The following ADD2 variants were observed in gnomAD, a reference collection of about 807,000 sequenced individuals.
ADD2 encodes the protein adducin 2.
A neutral mutation model predicts 83.0 loss-of-function variants in ADD2; 23 were observed. The observed-to-expected ratio is 0.28, with a 90% CI of 0.20 to 0.39. The LOEUF (loss-of-function observed/expected upper bound fraction) is 0.39. Among genes scored for constraint, ADD2 ranks in the 10% least tolerant of loss-of-function variants. The pLI, the probability that ADD2 is intolerant of heterozygous loss-of-function variation, is 1.00. For missense variants in ADD2, 758 were observed against 944.9 expected (o/e 0.80, Z 2.59); for synonymous variants, 375 against 375.4 (o/e 1.00, Z 0.01).
intron 1 of ADD2, among the ~76,000 whole-genome samples, chr2:70,739,866 A>G (rs1031242811): frequency 3.3e-5 from 5 of 152,164 alleles, no homozygotes; most frequent in African/African-American, 1.2e-4. Flanking sequence ...ACTGGGGCCT[A>G]CTTGAGGGTG....
At chr2:70,752,574 A>G (rs1674564402) in intron 1 of ADD2, among the ~76,000 whole-genome samples, 1 of 152,214 alleles carries the variant, frequency 6.6e-6, no homozygotes, top group Non-Finnish European at 1.5e-5. Flanking sequence ...ATTTGCTGAT[A>G]GACTGGATGA....
chr2:70,766,119 T>C (rs1389846660), intron 1 of ADD2, among the ~76,000 whole-genome samples: 1 of 152,240 alleles, frequency 6.6e-6, no homozygotes, highest in Non-Finnish European at 1.5e-5. Context: ...TTGTACATTG[T>C]GTATATGACA....
chr2:70,673,658 G>A (rs1553367609), intron 14 of ADD2, among the ~76,000 whole-genome samples: 1 of 152,068 alleles, frequency 6.6e-6, no homozygotes, highest in Non-Finnish European at 1.5e-5. Flanking sequence ...GTGCAGTGGT[G>A]TGACCTCAGC....
intron 1 of ADD2, among the ~76,000 whole-genome samples, chr2:70,759,986 C>T (rs782456760): frequency 6.6e-6 from 1 of 152,092 alleles, no homozygotes; most frequent in Non-Finnish European, 1.5e-5. Flanking sequence ...GAGAGGACAC[C>T]ACTGCTTCTT....
At chr2:70,739,133 AC>A (rs1407924083) in intron 1 of ADD2, among the ~76,000 whole-genome samples, 4 of 152,236 alleles carry the variant, frequency 2.6e-5, no homozygotes, top group Non-Finnish European at 5.9e-5. Flanking sequence ...ATATTTGCAA[AC>A]AGTGTATCTG....
intron 10 of ADD2, 84 bp downstream of exon 10, chr2:70,683,507 G>A: frequency 7.1e-7 from 1 of 1,406,010 alleles, no homozygotes. Flanking sequence ...CAATTCTTGT[G>A]CCCACCTGAT....
At position 70,692,421 on chromosome 2, in the gene ADD2, G is replaced by C; in HGVS notation, c.687C>G (p.His229Gln). Residue 229 changes from histidine (H) to glutamine (Q), a missense_variant, in exon 7 of 16, where the codon CAC (histidine) becomes CAG (glutamine). Transcript: ENST00000264436. ...CACTCACCGCTGCTGTGGCCGGTGT[G>C]TGCAGGTGGATGATGCAGCGCACGT... ...RPDVRCIIHL[H>Q]TPATAAVSAM... 1 of 1,597,214 alleles carries C rather than the reference G, an allele frequency of 6.3e-7. No homozygotes were observed. Among genetic ancestry groups the C allele is most frequent in the Non-Finnish European group, 8.5e-7 (1 of 1,170,926 alleles).
At chr2:70,714,148 T>C (rs1186021040) in intron 1 of ADD2, among the ~76,000 whole-genome samples, 2 of 152,126 alleles carry the variant, frequency 1.3e-5, no homozygotes, top group Non-Finnish European at 2.9e-5. Context: ...TTCAAAGCAT[T>C]AATTGTCAAA....
rs571066819 is a variant in ADD2 at position 70,706,265 on chromosome 2, C to T, written c.144G>A (p.Met48Ile). 1 of 1,614,136 alleles carries T rather than the reference C, an allele frequency of 6.2e-7. No homozygotes were observed. The highest frequency in any genetic ancestry group is 1.1e-5 in the South Asian group (1 of 91,080). The change falls in exon 3 of 16, where the codon ATG becomes ATA. Residue 48 changes from methionine (M) to isoleucine (I), a missense_variant. Transcript: ENST00000264436. The surrounding 1 kb of genome is among the most constrained non-coding windows in gnomAD (Gnocchi z 5.0). Reference protein sequence around the residue: ...AADLRQDFNLMEQKKRVTMIL... With the variant: ...AADLRQDFNLIEQKKRVTMIL... ...TCATGGTGACGCGCTTCTTCTGCTCCATCAGGTTGAAGTCCTGCCGCAGGT... is the reference window on the plus strand; with the variant it reads ...TCATGGTGACGCGCTTCTTCTGCTCTATCAGGTTGAAGTCCTGCCGCAGGT...
intron 1 of ADD2, among the ~76,000 whole-genome samples, chr2:70,758,063 A>G (rs1674889298): frequency 6.6e-6 from 1 of 152,224 alleles, no homozygotes; most frequent in South Asian, 2.1e-4. Flanking sequence ...TCTGGTTACC[A>G]GGGAGGCTGC....
Position 70,676,479 on chromosome 2 carries a change from C to T in ADD2, c.1593+317G>A. On this transcript the variant is annotated intron_variant, in intron 13 of 15. Transcript: ENST00000264436. The surrounding 1 kb of genome is among the most constrained non-coding windows in gnomAD (Gnocchi z 4.8). ...CTCCAGCCCCAAGCCTATGAGTCCC[C>T]ACTTCACGGGGTAGTAAGGGAGGAC... is the stretch of plus-strand genomic sequence containing the variant. 1 of 1,313,170 alleles carries T rather than the reference C, an allele frequency of 7.6e-7. No individual in the cohort carries two copies. The allele number at this position is 1,313,170 out of a possible 1,614,324, so 81.3% of individuals were successfully genotyped here. A position where few individuals can be genotyped will look rare whatever the true frequency, so the allele number is the denominator to read the frequency against.
intron 1 of ADD2, among the ~76,000 whole-genome samples, chr2:70,761,225 TA>T (rs1558585922): frequency 4.4e-5 from 5 of 113,130 alleles, no homozygotes; most frequent in Non-Finnish European, 3.5e-5. Flanking sequence ...AAGCATGCAT[TA>T]CTTTTTTTTT....
intron 9 of ADD2, among the ~76,000 whole-genome samples, chr2:70,684,400 ACC>A (rs1558530404): frequency 6.6e-6 from 1 of 152,142 alleles, no homozygotes; most frequent in Non-Finnish European, 1.5e-5. Flanking sequence ...GATGTGCACT[ACC>A]ACATTCAGCA....
chr2:70,704,263 T>TGGGCCCCCCCCCCCACCC, intron 4 of ADD2, 58 bp downstream of exon 4: 1 of 913,238 alleles, frequency 1.1e-6, no homozygotes. Context: ...CTCCCTCTCT[T>TGGGCCCCCCCCCCCACCC]CCCCACCCCA....
chr2:70,733,374 C>T (rs559946066), intron 1 of ADD2, among the ~76,000 whole-genome samples: 4 of 152,304 alleles, frequency 2.6e-5, no homozygotes, highest in African/African-American at 9.6e-5. Flanking sequence ...GAAATCAGGC[C>T]TGGTGGTTAA....
Position 70,667,311 on chromosome 2 carries a change from G to A in ADD2, c.1871-3576C>T, listed in dbSNP as rs527907973. Reference sequence around the variant, plus strand: ...AGGAGGCAATGGGAGAACAGGTGACGGGAACGAGACTGGACTCTGAAGTCA... The same window carrying A: ...AGGAGGCAATGGGAGAACAGGTGACAGGAACGAGACTGGACTCTGAAGTCA... On this transcript the variant is annotated intron_variant, in intron 15 of 15. Transcript: ENST00000264436. Among the ~76,000 whole-genome samples, 110 of 152,212 alleles carry A rather than the reference G, an allele frequency of 7.2e-4. 2 individuals carry two copies. The South Asian group carries it at 0.017, about 24-fold the overall frequency.
intron 4 of ADD2, among the ~76,000 whole-genome samples, chr2:70,702,892 C>T (rs926182750): frequency 4.6e-5 from 7 of 152,002 alleles, no homozygotes; most frequent in Admixed American, 3.3e-4. Flanking sequence ...TTTGGGAGAC[C>T]GGGGTGGGTG....
In ADD2 at chr2:70,663,292, C is replaced by T; in HGVS notation, c.*133G>A. 2 of 1,069,984 alleles carry T rather than the reference C, an allele frequency of 1.9e-6. No homozygotes were observed. Among genetic ancestry groups the T allele is most frequent in the South Asian group, 3.2e-5 (2 of 62,688 alleles). The allele number at this position is 1,069,984 out of a possible 1,614,324, so 66.3% of individuals were successfully genotyped here. On this transcript the variant is annotated 3_prime_UTR_variant, in exon 16 of 16. Coordinates refer to ENST00000264436, the MANE Select transcript of ADD2 (RefSeq NM_001617.4). ...AAACGAAGGGTTGGTCGGGTGATCT[C>T]TAAGTTCCCCTTCCGAATGTGGTCC...
chr2:70,690,661 A>C, intron 8 of ADD2, 125 bp downstream of exon 8: 6 of 1,117,802 alleles, frequency 5.4e-6, no homozygotes, highest in African/African-American at 1.6e-5. Context: ...GTAGTGGGAT[A>C]GAGATCTTTC....
Sources: gnomAD v4.1 joint callset for allele counts (sites outside exome capture counted in the v4.1 genomes callset) on GRCh38, gnomAD v4.1.1 for gene constraint, Gnocchi (gnomAD v3.1) non-coding constraint, MANE v1.5 for transcripts, NCBI Gene and HGNC (gene_info 2026-07-23, HGNC 2026-07-21) for gene names.